MGAT4A: variants seen among roughly 807,000 people sequenced by gnomAD.
MGAT4A encodes the protein alpha-1,3-mannosyl-glycoprotein 4-beta-N-acetylglucosaminyltransferase A, also known as N-acetylglucosaminyltransferase IVa.
MGAT4A carries 33 observed loss-of-function variants against 74.1 expected under a neutral mutation model. That is an observed-to-expected ratio of 0.45 (90% CI 0.34 to 0.60). The LOEUF is 0.60. Among genes scored for constraint, MGAT4A ranks in the 20% least tolerant of loss-of-function variants. The pLI, the probability that MGAT4A is intolerant of heterozygous loss-of-function variation, is 0.02. For synonymous variants in MGAT4A, 198 were observed against 210.4 expected, an observed-to-expected ratio of 0.94 and a Z score of 0.51; for missense variants, 479 against 628.3, an observed-to-expected ratio of 0.76 and a Z score of 2.54.
chr2:98,645,345 T>G (rs1030066526), intron 9 of MGAT4A, 83 bp downstream of exon 9: 109 of 1,053,860 alleles, frequency 1.0e-4, no homozygotes, highest in Non-Finnish European at 1.5e-4. Context: ...AAAAGACATC[T>G]TTAGGACAAG....
At chr2:98,690,929 A>G (rs1428181490) in intron 2 of MGAT4A, among the ~76,000 whole-genome samples, 7 of 152,220 alleles carry the variant, frequency 4.6e-5, no homozygotes, top group Non-Finnish European at 1.0e-4. Context: ...CAATTGCCCA[A>G]TCTAGTCAAA....
At chr2:98,707,286 G>C (rs1441265533) in intron 2 of MGAT4A, among the ~76,000 whole-genome samples, 2 of 152,172 alleles carry the variant, frequency 1.3e-5, no homozygotes, top group African/African-American at 4.8e-5. Flanking sequence ...ATACTTTTCT[G>C]TATAATTTTT....
chr2:98,635,177 G>C, intron 14 of MGAT4A, 45 bp downstream of exon 14: 1 of 1,417,484 alleles, frequency 7.1e-7, no homozygotes, highest in Non-Finnish European at 9.8e-7. Flanking sequence ...TACTTTAGGA[G>C]TAAGTCCAGA....
chr2:98,669,553 A>G (rs1488627735), intron 4 of MGAT4A, among the ~76,000 whole-genome samples: 1 of 152,242 alleles, frequency 6.6e-6, no homozygotes, highest in African/African-American at 2.4e-5. Flanking sequence ...AAACCATTTT[A>G]TCCCTAATTA....
At chr2:98,687,944 AC>A (rs1385666754) in intron 2 of MGAT4A, among the ~76,000 whole-genome samples, 1 of 152,002 alleles carries the variant, frequency 6.6e-6, no homozygotes. Context: ...AAACAAATGA[AC>A]CTGCCTCACT....
At chr2:98,678,249 A>AAAAAAAAAAAAT (rs67023324) in intron 3 of MGAT4A, 55 bp downstream of exon 3, 4 of 263,876 alleles carry the variant, frequency 1.5e-5, no homozygotes, top group Non-Finnish European at 2.2e-5. Context: ...AAAAAAAAAA[A>AAAAAAAAAAAAT]ATATATATAT....
At chr2:98,637,505 A>T (rs2104229373) in intron 12 of MGAT4A, among the ~76,000 whole-genome samples, 1 of 152,304 alleles carries the variant, frequency 6.6e-6, no homozygotes, top group Non-Finnish European at 1.5e-5. Context: ...GATCTAAAAT[A>T]CTTTCTGGGT....
Position 98,631,556 on chromosome 2 carries a change from C to T in MGAT4A, c.1468+3666G>A, listed in dbSNP as rs111817003. On this transcript the variant is annotated intron_variant, in intron 14 of 15. Transcript: ENST00000393487. ...GCTGGACGTGGAGGGGAAGGAAGCA[C>T]ACGGGCGGGCGGAAGAGCACACCCG... is the stretch of plus-strand genomic sequence containing the variant. Among the ~76,000 whole-genome samples the T allele has an allele frequency of 9.4e-3, 1,426 of 152,352 alleles. 14 individuals are homozygous for T. Among genetic ancestry groups the T allele is most frequent in the Middle Eastern group, 0.034 (10 of 294 alleles).
Position 98,621,342 on chromosome 2 carries a change from C to A in MGAT4A, c.*4224G>T. Reference sequence around the variant, plus strand: ...GAATTCAGTTCCCGTGGCTGTAGGACTGCAGTTCCCAGCTCCTTTGCTGTT... The same window carrying A: ...GAATTCAGTTCCCGTGGCTGTAGGAATGCAGTTCCCAGCTCCTTTGCTGTT... On this transcript the variant is annotated 3_prime_UTR_variant, in exon 16 of 16. Transcript: ENST00000393487. 6.6e-7 allele frequency: 1 copy of A among 1,505,952 alleles called. No homozygotes were observed. The highest frequency in any genetic ancestry group is 8.9e-7 in the Non-Finnish European group (1 of 1,123,712). 93.3% of individuals were successfully genotyped at this position (1,505,952 alleles called of 1,614,324 possible).
chr2:98,718,522 T>G (rs2104332701), intron 2 of MGAT4A, among the ~76,000 whole-genome samples: 1 of 152,242 alleles, frequency 6.6e-6, no homozygotes, highest in African/African-American at 2.4e-5. Flanking sequence ...TGAACCAAGA[T>G]CATTCCCCCC....
chr2:98,626,352 A>G (rs959888372), intron 14 of MGAT4A, among the ~76,000 whole-genome samples: 2 of 152,216 alleles, frequency 1.3e-5, no homozygotes, highest in African/African-American at 4.8e-5. Flanking sequence ...ACACAGTTCA[A>G]TATAAAACTC....
In MGAT4A at chr2:98,635,221, C is replaced by T; in HGVS notation, c.1468+1G>A. Reference sequence around the variant, plus strand: ...GGCCATTTTACTAAAGTAGATATTACCTATTCTGAAATAGCCATCTTCTAA... The same window carrying T: ...GGCCATTTTACTAAAGTAGATATTATCTATTCTGAAATAGCCATCTTCTAA... On this transcript the variant is annotated splice_donor_variant, in intron 14 of 15. Coordinates refer to ENST00000393487, the MANE Select transcript of MGAT4A (RefSeq NM_012214.3). LOFTEE classifies it high-confidence loss of function. 1 of 1,603,120 alleles carries T rather than the reference C, an allele frequency of 6.2e-7. No homozygotes were observed. Among genetic ancestry groups the T allele is most frequent in the Non-Finnish European group, 8.5e-7 (1 of 1,172,416 alleles).
chr2:98,721,581 T>C (rs1702671949), intron 2 of MGAT4A, among the ~76,000 whole-genome samples: 4 of 152,038 alleles, frequency 2.6e-5, no homozygotes, highest in African/African-American at 7.2e-5. Context: ...ATTATAACAA[T>C]ATATTGTTTG....
chr2:98,621,391 C>T lies in MGAT4A; in HGVS notation c.*4175G>A, dbSNP rs375801418. The T allele has an allele frequency of 6.5e-6, 10 of 1,549,248 alleles. No individual in the cohort carries two copies. Among genetic ancestry groups the T allele is most frequent in the African/African-American group, 2.7e-5 (2 of 72,936 alleles). ...TTAGCCAAGGCCTCTCTCAGCTCCTCAAAGCCATGTGCATTCCTTCTCATG... is the reference window on the plus strand; with the variant it reads ...TTAGCCAAGGCCTCTCTCAGCTCCTTAAAGCCATGTGCATTCCTTCTCATG... On this transcript the variant is annotated 3_prime_UTR_variant, in exon 16 of 16. Coordinates refer to ENST00000393487, the MANE Select transcript of MGAT4A (RefSeq NM_012214.3).
At chr2:98,644,365 T>G (rs1013285850) in intron 9 of MGAT4A, among the ~76,000 whole-genome samples, 1 of 152,244 alleles carries the variant, frequency 6.6e-6, no homozygotes, top group African/African-American at 2.4e-5. Context: ...TTACTAAGAT[T>G]CTTCCCATTT....
chr2:98,636,146 C>T (rs183106873), intron 13 of MGAT4A, among the ~76,000 whole-genome samples: 3 of 151,964 alleles, frequency 2.0e-5, no homozygotes, highest in East Asian at 2.0e-4. Context: ...GCGCATGCCA[C>T]GATTCCTGGC....
intron 2 of MGAT4A, among the ~76,000 whole-genome samples, chr2:98,705,459 G>A (rs916557004): frequency 6.6e-6 from 1 of 152,072 alleles, no homozygotes; most frequent in Non-Finnish European, 1.5e-5. Context: ...CTTTGCCTAG[G>A]ACGGTTCCAA....
chr2:98,623,995 G>C lies in MGAT4A; in HGVS notation c.*1571C>G, dbSNP rs1701101862. On this transcript the variant is annotated 3_prime_UTR_variant, in exon 16 of 16. Coordinates refer to ENST00000393487, the MANE Select transcript of MGAT4A (RefSeq NM_012214.3). ...CCAGTGTGTCCAAGCAGACTGGCTGGGAACTGATGTTGATACTTCATCTTT... is the reference window on the plus strand; with the variant it reads ...CCAGTGTGTCCAAGCAGACTGGCTGCGAACTGATGTTGATACTTCATCTTT... The C allele has an allele frequency of 1.0e-6, 1 of 985,338 alleles. No homozygotes were observed. Among genetic ancestry groups the C allele is most frequent in the Admixed American group, 6.2e-5 (1 of 16,258 alleles). The allele number at this position is 985,338 out of a possible 1,614,324, so 61.0% of individuals were successfully genotyped here. A position where few individuals can be genotyped will look rare whatever the true frequency, so the allele number is the denominator to read the frequency against.
chr2:98,655,392 T>TG, intron 8 of MGAT4A, 53 bp downstream of exon 8: 1 of 1,369,378 alleles, frequency 7.3e-7, no homozygotes, highest in South Asian at 1.3e-5. Context: ...AACATACCCT[T>TG]GATAACACTT....
Sources: allele counts gnomAD v4.1 joint callset (sites outside exome capture counted in the v4.1 genomes callset), GRCh38; gene constraint gnomAD v4.1.1; transcripts MANE v1.5; gene names NCBI Gene and HGNC (gene_info 2026-07-23, HGNC 2026-07-21).